The following PRR16 variants were observed in gnomAD, a reference collection of about 807,000 sequenced individuals.
PRR16 encodes protein Largen.
In PRR16, 6 loss-of-function variants were observed where a neutral mutation model predicts 18.2. That is an observed-to-expected ratio of 0.33 (90% CI 0.18 to 0.65). The LOEUF (loss-of-function observed/expected upper bound fraction) is 0.65, where lower values mean the gene tolerates loss of function less well. PRR16 is among the 30% of genes least tolerant of loss of function. The pLI, the probability that PRR16 is intolerant of heterozygous loss-of-function variation, is 0.74. For synonymous variants in PRR16, 151 were observed against 147.8 expected, an observed-to-expected ratio of 1.02 and a Z score of -0.16; for missense variants, 412 against 376.6, an observed-to-expected ratio of 1.09 and a Z score of -0.78.
chr5:120,492,754 T>C (rs1750105018), intron 1 of PRR16, among the ~76,000 whole-genome samples: 1 of 152,150 alleles, frequency 6.6e-6, no homozygotes. Flanking sequence ...TATATCACTC[T>C]ATATGTTTTG....
chr5:120,591,729 C>G (rs1027658449), intron 1 of PRR16, among the ~76,000 whole-genome samples: 1 of 151,952 alleles, frequency 6.6e-6, no homozygotes, highest in African/African-American at 2.4e-5. Context: ...ATATAAGTAG[C>G]CTTCGTTGAT....
intron 1 of PRR16, among the ~76,000 whole-genome samples, chr5:120,644,643 G>A (rs1349869664): frequency 6.6e-6 from 1 of 151,990 alleles, no homozygotes; most frequent in African/African-American, 2.4e-5. Context: ...AATCTTTTTT[G>A]AGATGAAGTC....
At chr5:120,680,427 A>G (rs762582374) in intron 1 of PRR16, among the ~76,000 whole-genome samples, 2 of 152,152 alleles carry the variant, frequency 1.3e-5, no homozygotes, top group Non-Finnish European at 2.9e-5. Flanking sequence ...TATATTTGCT[A>G]ACACAATCAC....
chr5:120,629,283 A>G (rs1240243451), intron 1 of PRR16, among the ~76,000 whole-genome samples: 1 of 152,014 alleles, frequency 6.6e-6, no homozygotes, highest in East Asian at 1.9e-4. Flanking sequence ...GTATGTGTGC[A>G]TGTGTATTCA....
In PRR16 at chr5:120,532,387, G is replaced by A. The variant is rs546789102; in HGVS notation, c.159+67742G>A. Reference sequence around the variant, plus strand: ...TAAAATTATTTAAGTTTATGGGCTAGCTTTTATCAAGGACTAGTAGGATAA... The same window carrying A: ...TAAAATTATTTAAGTTTATGGGCTAACTTTTATCAAGGACTAGTAGGATAA... On this transcript the variant is annotated intron_variant, in intron 1 of 1. Transcript: ENST00000407149. Among the ~76,000 whole-genome samples the A allele has an allele frequency of 2.0e-5, 3 of 152,086 alleles. No individual in the cohort carries two copies. In the East Asian group the frequency reaches 5.8e-4, roughly 29 times the overall value.
At chr5:120,771,301 A>T in the PRR16 span, among the ~76,000 whole-genome samples, 1 of 152,136 alleles carries the variant, frequency 6.6e-6, no homozygotes, top group Non-Finnish European at 1.5e-5. Context: ...AAAAATGAGC[A>T]CTAATACTCA....
intron 1 of PRR16, among the ~76,000 whole-genome samples, chr5:120,675,801 A>G (rs1261693299): frequency 6.6e-6 from 1 of 152,160 alleles, no homozygotes; most frequent in East Asian, 1.9e-4. Context: ...GAAAAATAAG[A>G]CAAACTGCAT....
At chr5:120,554,126 G>A (rs901689991) in intron 1 of PRR16, among the ~76,000 whole-genome samples, 2 of 151,926 alleles carry the variant, frequency 1.3e-5, no homozygotes, top group African/African-American at 4.8e-5. Context: ...TAATGCTTGT[G>A]TGGAAAGAAC....
At chr5:120,728,391 A>C in the PRR16 span, among the ~76,000 whole-genome samples, 5 of 151,888 alleles carry the variant, frequency 3.3e-5, no homozygotes, top group East Asian at 9.6e-4. Flanking sequence ...AAAGACAACA[A>C]ATTATTTTTT....
chr5:120,561,067 A>G (rs1752559352), intron 1 of PRR16, among the ~76,000 whole-genome samples: 1 of 151,562 alleles, frequency 6.6e-6, no homozygotes, highest in Admixed American at 6.6e-5. Context: ...TCAAGAAACA[A>G]ATTTTTTGCT....
the PRR16 span, among the ~76,000 whole-genome samples, chr5:120,708,631 C>T: frequency 2.0e-5 from 3 of 152,084 alleles, no homozygotes; most frequent in African/African-American, 4.8e-5. Flanking sequence ...AGTAAGTGTA[C>T]AAAGCGATTA....
chr5:120,742,332 G>A, the PRR16 span, among the ~76,000 whole-genome samples: 1 of 149,778 alleles, frequency 6.7e-6, no homozygotes, highest in Non-Finnish European at 1.5e-5. Flanking sequence ...GTGTATGCAG[G>A]TATGCCAATT....
intron 1 of PRR16, among the ~76,000 whole-genome samples, chr5:120,495,307 T>C (rs1351406906): frequency 6.6e-6 from 1 of 152,136 alleles, no homozygotes; most frequent in African/African-American, 2.4e-5. Context: ...TACCTATTTT[T>C]TTGAGTGATT....
chr5:120,632,285 G>A (rs1755083358), intron 1 of PRR16, among the ~76,000 whole-genome samples: 1 of 151,976 alleles, frequency 6.6e-6, no homozygotes, highest in Non-Finnish European at 1.5e-5. Flanking sequence ...GAAAGAACCA[G>A]AAAAATAATT....
intron 1 of PRR16, among the ~76,000 whole-genome samples, chr5:120,593,429 A>G (rs764680239): frequency 1.3e-5 from 2 of 151,986 alleles, no homozygotes; most frequent in Non-Finnish European, 2.9e-5. Context: ...TAGACACCTA[A>G]CACCCTCCCA....
chr5:120,756,265 C>T, the PRR16 span, among the ~76,000 whole-genome samples: 2 of 151,920 alleles, frequency 1.3e-5, no homozygotes, highest in African/African-American at 2.4e-5. Flanking sequence ...AAGGGAGTAC[C>T]CTCTGATCCT....
chr5:120,705,031 A>T, the PRR16 span, among the ~76,000 whole-genome samples: 1 of 152,104 alleles, frequency 6.6e-6, no homozygotes, highest in Non-Finnish European at 1.5e-5. Context: ...TCCATGCATT[A>T]CTTTAACACT....
intron 1 of PRR16, among the ~76,000 whole-genome samples, chr5:120,628,800 A>G (rs894308450): frequency 6.6e-6 from 1 of 151,866 alleles, no homozygotes; most frequent in Non-Finnish European, 1.5e-5. Context: ...GTAGAAGCCT[A>G]TGAGTTTAGT....
intron 1 of PRR16, among the ~76,000 whole-genome samples, chr5:120,470,968 A>G (rs775465099): frequency 2.6e-5 from 4 of 152,136 alleles, no homozygotes; most frequent in Non-Finnish European, 4.4e-5. Flanking sequence ...TTCTCAATTC[A>G]TATTGCCAAA....
Sources: allele counts gnomAD v4.1 joint callset (sites outside exome capture counted in the v4.1 genomes callset), GRCh38; gene constraint gnomAD v4.1.1; transcripts MANE v1.5; gene names NCBI Gene and HGNC (gene_info 2026-07-23, HGNC 2026-07-21).